The following KHDRBS2 variants were observed in gnomAD, a reference collection of about 807,000 sequenced individuals.
The protein encoded by KHDRBS2 is KH RNA binding domain containing, signal transduction associated 2.
Under a neutral mutation model 44.3 loss-of-function variants are expected in KHDRBS2, and 26 were observed. The observed-to-expected ratio is 0.59, with a 90% CI of 0.43 to 0.81. The LOEUF is 0.81. Among genes scored for constraint, KHDRBS2 ranks in the 40% least tolerant of loss-of-function variants. The pLI is 0.00. For synonymous variants in KHDRBS2, 194 were observed against 151.1 expected (o/e 1.28, Z -2.08); for missense variants, 476 against 433.1 (o/e 1.10, Z -0.88).
At chr6:62,244,745 G>A (rs552625991) in intron 1 of KHDRBS2, among the ~76,000 whole-genome samples, 7 of 152,082 alleles carry the variant, frequency 4.6e-5, no homozygotes, top group East Asian at 1.9e-4. Context: ...ACAGATCTCC[G>A]AAGTCAGCCT....
At chr6:61,582,512 G>A in the KHDRBS2 span, among the ~76,000 whole-genome samples, 2 of 151,582 alleles carry the variant, frequency 1.3e-5, no homozygotes, top group Non-Finnish European at 3.0e-5. Flanking sequence ...TCAGAGAAGA[G>A]GTGGTTTTAA....
At chr6:61,875,098 A>T (rs1799224777) in intron 6 of KHDRBS2, among the ~76,000 whole-genome samples, 1 of 151,996 alleles carries the variant, frequency 6.6e-6, no homozygotes, top group Non-Finnish European at 1.5e-5. Context: ...AGGAATGGTA[A>T]TGTGAATTTT....
At chr6:61,904,960 G>T (rs1470013013) in intron 4 of KHDRBS2, among the ~76,000 whole-genome samples, 2 of 152,156 alleles carry the variant, frequency 1.3e-5, no homozygotes, top group East Asian at 3.9e-4. Flanking sequence ...ATCCATTCAT[G>T]ATAATGATAG....
At chr6:61,873,321 A>T (rs894047136) in intron 6 of KHDRBS2, among the ~76,000 whole-genome samples, 7 of 152,042 alleles carry the variant, frequency 4.6e-5, no homozygotes, top group Non-Finnish European at 8.8e-5. Context: ...ATGCAAAAAC[A>T]GTAGAAAAAC....
chr6:62,026,067 CAGA>C (rs1410662803), intron 3 of KHDRBS2, among the ~76,000 whole-genome samples: 1 of 151,922 alleles, frequency 6.6e-6, no homozygotes, highest in East Asian at 1.9e-4. Context: ...TCTTTTTTAA[CAGA>C]AGGAGTTACT....
At chr6:61,870,287 C>G (rs538781741) in intron 6 of KHDRBS2, among the ~76,000 whole-genome samples, 1 of 152,128 alleles carries the variant, frequency 6.6e-6, no homozygotes, top group Admixed American at 6.5e-5. Flanking sequence ...GAAGTTCGAA[C>G]GGGACGGAGC....
chr6:61,808,972 T>A (rs1787645226), intron 6 of KHDRBS2, among the ~76,000 whole-genome samples: 1 of 152,098 alleles, frequency 6.6e-6, no homozygotes. Context: ...GAAAATTTGT[T>A]AAACGCAATA....
At chr6:62,196,461 C>T (rs1166153626) in intron 1 of KHDRBS2, among the ~76,000 whole-genome samples, 3 of 152,116 alleles carry the variant, frequency 2.0e-5, no homozygotes, top group African/African-American at 7.2e-5. Flanking sequence ...CTGTACAGTA[C>T]TACAAAAGGT....
At chr6:61,749,254 C>T (rs1262425358) in intron 6 of KHDRBS2, among the ~76,000 whole-genome samples, 1 of 151,994 alleles carries the variant, frequency 6.6e-6, no homozygotes, top group African/African-American at 2.4e-5. Flanking sequence ...ACCTTGTGAT[C>T]CACATGCCTC....
intron 6 of KHDRBS2, among the ~76,000 whole-genome samples, chr6:61,787,583 T>A (rs1407067102): frequency 6.6e-6 from 1 of 151,690 alleles, no homozygotes; most frequent in Non-Finnish European, 1.5e-5. Flanking sequence ...TCCTCATTAA[T>A]TTTTTTGTTG....
intron 4 of KHDRBS2, among the ~76,000 whole-genome samples, chr6:61,937,540 G>T (rs1189603817): frequency 6.6e-6 from 1 of 151,962 alleles, no homozygotes; most frequent in East Asian, 1.9e-4. Context: ...GGGGGATTTT[G>T]TTAATTTCTT....
intron 1 of KHDRBS2, among the ~76,000 whole-genome samples, chr6:62,269,305 C>A (rs531941600): frequency 6.6e-6 from 1 of 152,030 alleles, no homozygotes; most frequent in African/African-American, 2.4e-5. Context: ...AAAGCTGAGC[C>A]ACATATTAGG....
intron 4 of KHDRBS2, among the ~76,000 whole-genome samples, chr6:61,968,330 T>A (rs1286502273): frequency 6.6e-6 from 1 of 151,968 alleles, no homozygotes; most frequent in Non-Finnish European, 1.5e-5. Flanking sequence ...TTCCAACATA[T>A]GATATGTTCA....
chr6:61,680,717 G>A lies in KHDRBS2; in HGVS notation c.*246C>T. ...ACAACCAAGAGAATATCATCCTACT[G>A]AAAGGTTTATAGACTATGCTTGCTA... On this transcript the variant is annotated 3_prime_UTR_variant, in exon 9 of 9. Coordinates refer to ENST00000281156, the MANE Select transcript of KHDRBS2 (RefSeq NM_152688.4). 1 of 299,310 alleles carries A rather than the reference G, an allele frequency of 3.3e-6. No homozygotes were observed. The highest frequency in any genetic ancestry group is 6.1e-6 in the Non-Finnish European group (1 of 163,448). The allele number at this position is 299,310 out of a possible 1,614,324, so 18.5% of individuals were successfully genotyped here.
chr6:61,792,681 C>T (rs1360426316), intron 6 of KHDRBS2, among the ~76,000 whole-genome samples: 1 of 151,362 alleles, frequency 6.6e-6, no homozygotes, highest in Non-Finnish European at 1.5e-5. Context: ...GAAAACACAC[C>T]AAAAAAACTT....
intron 6 of KHDRBS2, among the ~76,000 whole-genome samples, chr6:61,871,635 C>G (rs1179560960): frequency 2.0e-5 from 3 of 152,188 alleles, no homozygotes; most frequent in East Asian, 1.9e-4. Flanking sequence ...AAGGGAAACT[C>G]ATCAGACTAA....
At chr6:61,784,937 C>T (rs1562174865) in intron 6 of KHDRBS2, among the ~76,000 whole-genome samples, 2 of 151,972 alleles carry the variant, frequency 1.3e-5, no homozygotes, top group Non-Finnish European at 2.9e-5. Flanking sequence ...TTGCTTCAGC[C>T]TAGGAGTTTG....
chr6:61,617,704 A>G, the KHDRBS2 span, among the ~76,000 whole-genome samples: 2 of 152,132 alleles, frequency 1.3e-5, no homozygotes, highest in African/African-American at 4.8e-5. Flanking sequence ...TCATTAACTA[A>G]AGTAATTTAA....
chr6:61,753,119 G>C (rs1777969760), intron 6 of KHDRBS2, among the ~76,000 whole-genome samples: 1 of 151,994 alleles, frequency 6.6e-6, no homozygotes, highest in Non-Finnish European at 1.5e-5. Flanking sequence ...GCAGCACTAG[G>C]AACACAATAA....
Sources: gnomAD v4.1 joint callset for allele counts (sites outside exome capture counted in the v4.1 genomes callset) on GRCh38, gnomAD v4.1.1 for gene constraint, MANE v1.5 for transcripts, NCBI Gene and HGNC (gene_info 2026-07-23, HGNC 2026-07-21) for gene names.